SND1: variants seen among roughly 807,000 people sequenced by gnomAD.
SND1 encodes the protein staphylococcal nuclease domain-containing protein 1.
A neutral mutation model predicts 121.7 loss-of-function variants in SND1; 38 were observed. That is an observed-to-expected ratio of 0.31 (90% CI 0.24 to 0.41). SND1 has a LOEUF of 0.41. SND1 is among the 10% of genes least tolerant of loss of function. The pLI is 1.00. For synonymous variants in SND1, 401 were observed against 447.4 expected (o/e 0.90, Z 1.31); for missense variants, 868 against 1,184.6 (o/e 0.73, Z 3.92).
chr7:127,686,633 C>T lies in SND1; in HGVS notation c.99C>T (p.Ile33=), dbSNP rs199818480. Residue 33 remains isoleucine, a synonymous_variant, in exon 2 of 24, where the codon ATC becomes ATT. Coordinates refer to ENST00000354725, the MANE Select transcript of SND1 (RefSeq NM_014390.4). ...CGTAGGTCCTCTCAGGGTGCGCCAT[C>T]ATTGTCCGAGGTCAGCCTCGTGGTG... ...IIKMVLSGCA[I]IVRGQPRGGP... 3 of 1,614,088 alleles carry T rather than the reference C, an allele frequency of 1.9e-6. No individual in the cohort carries two copies. The highest frequency in any genetic ancestry group is 2.5e-6 in the Non-Finnish European group (3 of 1,179,954).
intron 9 of SND1, among the ~76,000 whole-genome samples, chr7:127,714,404 T>C (rs1470830879): frequency 6.6e-6 from 1 of 152,200 alleles, no homozygotes; most frequent in Non-Finnish European, 1.5e-5. Flanking sequence ...TGATAGTTTT[T>C]TGCTGTGCTT....
intron 10 of SND1, among the ~76,000 whole-genome samples, chr7:127,731,733 A>G (rs1796679905): frequency 6.6e-6 from 1 of 152,208 alleles, no homozygotes; most frequent in South Asian, 2.1e-4. Flanking sequence ...GCCAGTTAAT[A>G]ACAGCTTTTG....
intron 10 of SND1, among the ~76,000 whole-genome samples, chr7:127,757,717 G>A (rs998095990): frequency 6.6e-6 from 1 of 152,136 alleles, no homozygotes; most frequent in African/African-American, 2.4e-5. Context: ...TTAGTTTTTG[G>A]AATTGGGTTG....
At chr7:127,776,307 C>A (rs1318838679) in intron 10 of SND1, among the ~76,000 whole-genome samples, 1 of 152,086 alleles carries the variant, frequency 6.6e-6, no homozygotes, top group African/African-American at 2.4e-5. Flanking sequence ...CACTAGTTAT[C>A]ACAGACTTGA....
rs537270106 is a variant in SND1 at position 128,037,579 on chromosome 7, C to T, written c.1780-36923C>T. Among the ~76,000 whole-genome samples the T allele has an allele frequency of 7.9e-5, 12 of 152,336 alleles. No individual in the cohort carries two copies. The East Asian group carries it at 2.1e-3, about 27-fold the overall frequency. On this transcript the variant is annotated intron_variant, in intron 16 of 23. Transcript: ENST00000354725. ...TCAGTCTCAGTACAGAGCCCAAACTCAACCACTGTGATGCTGTGATGTGCC... is the reference window on the plus strand; with the variant it reads ...TCAGTCTCAGTACAGAGCCCAAACTTAACCACTGTGATGCTGTGATGTGCC...
chr7:127,789,532 A>G (rs763233673), intron 10 of SND1, among the ~76,000 whole-genome samples: 28 of 152,204 alleles, frequency 1.8e-4, no homozygotes, highest in South Asian at 4.1e-4. Context: ...TTGTTTCCAT[A>G]TTTAATCGTA....
chr7:127,678,412 A>G (rs1795651389), intron 1 of SND1, among the ~76,000 whole-genome samples: 1 of 152,150 alleles, frequency 6.6e-6, no homozygotes, highest in African/African-American at 2.4e-5. Flanking sequence ...TTGGCTCGGG[A>G]GCAGCAACTT....
intron 21 of SND1, among the ~76,000 whole-genome samples, chr7:128,087,339 G>A (rs1183806572): frequency 6.6e-6 from 1 of 152,134 alleles, no homozygotes; most frequent in Non-Finnish European, 1.5e-5. Flanking sequence ...GGCAGTGGCA[G>A]GAGGTGAGGT....
chr7:127,896,454 G>T (rs903707165), intron 13 of SND1, among the ~76,000 whole-genome samples: 1 of 152,014 alleles, frequency 6.6e-6, no homozygotes, highest in Non-Finnish European at 1.5e-5. Flanking sequence ...ACTATCGCTC[G>T]GAAACTTGTT....
At chr7:127,887,723 TTTG>T (rs1257843294) in intron 12 of SND1, among the ~76,000 whole-genome samples, 176 bp from the exon 13 acceptor site, 1 of 151,990 alleles carries the variant, frequency 6.6e-6, no homozygotes, top group Non-Finnish European at 1.5e-5. Flanking sequence ...GCTAGGGAAC[TTTG>T]TTATTTAACC....
At chr7:127,979,915 C>G (rs1283986629) in intron 15 of SND1, among the ~76,000 whole-genome samples, 2 of 152,044 alleles carry the variant, frequency 1.3e-5, no homozygotes, top group African/African-American at 4.8e-5. Context: ...CTGTTGTTCC[C>G]TGCTTTAGAG....
intron 16 of SND1, among the ~76,000 whole-genome samples, chr7:127,993,996 T>C (rs1802578589): frequency 6.6e-6 from 1 of 152,234 alleles, no homozygotes; most frequent in South Asian, 2.1e-4. Context: ...GAAGCTGGCA[T>C]GCAGGGTGTC....
intron 13 of SND1, 166 bp from the exon 14 acceptor site, chr7:127,904,581 A>T: frequency 2.1e-6 from 1 of 472,658 alleles, no homozygotes; most frequent in South Asian, 3.7e-5. Flanking sequence ...TCCCCCCTCC[A>T]CCAAATCCTC....
chr7:127,999,197 AGAGATTT>A, intron 16 of SND1: 2 of 152,258 alleles, frequency 1.3e-5, no homozygotes, highest in Middle Eastern at 6.8e-3. Flanking sequence ...TAGGACCACA[AGAGATTT>A]GGCCTCCTTG....
intron 15 of SND1, among the ~76,000 whole-genome samples, chr7:127,968,195 A>C (rs1801899652): frequency 6.6e-6 from 1 of 152,174 alleles, no homozygotes; most frequent in Non-Finnish European, 1.5e-5. Flanking sequence ...TTTTCAAAGA[A>C]TATTTTAAGC....
chr7:128,033,998 T>TGGAGAAAG (rs1792701834), intron 16 of SND1, among the ~76,000 whole-genome samples: 1 of 152,240 alleles, frequency 6.6e-6, no homozygotes, highest in Non-Finnish European at 1.5e-5. Flanking sequence ...GTGAAAGTAA[T>TGGAGAAAG]TGCCACACTT....
In SND1 at chr7:128,015,245, G is replaced by A. The variant is rs144841728; in HGVS notation, c.1779+24189G>A. 3.4e-4 allele frequency among the ~76,000 whole-genome samples: 52 copies of A among 152,334 alleles called. No individual in the cohort carries two copies. Among genetic ancestry groups the A allele is most frequent in the Admixed American group, 1.2e-3 (18 of 15,302 alleles). ...GGTCAGGCCTTGCCCGCAGGTCAAC[G>A]TGGGGCTAAAATGAAGACCGCTCTT... On this transcript the variant is annotated intron_variant, in intron 16 of 23. Coordinates refer to ENST00000354725, the MANE Select transcript of SND1 (RefSeq NM_014390.4). The surrounding 1 kb of genome is among the most constrained non-coding windows in gnomAD (Gnocchi z 4.5).
intron 10 of SND1, among the ~76,000 whole-genome samples, chr7:127,806,934 G>C (rs899369271): frequency 6.6e-6 from 1 of 152,126 alleles, no homozygotes; most frequent in Non-Finnish European, 1.5e-5. Context: ...ACTCCAGCCT[G>C]GGCAACAGAG....
At chr7:127,966,836 C>G (rs2116879026) in intron 15 of SND1, among the ~76,000 whole-genome samples, 1 of 142,976 alleles carries the variant, frequency 7.0e-6, no homozygotes, top group African/African-American at 2.6e-5. Flanking sequence ...TAGCAGAAGG[C>G]AAGAAATAAC....
Sources: allele counts gnomAD v4.1 joint callset (sites outside exome capture counted in the v4.1 genomes callset), GRCh38; gene constraint gnomAD v4.1.1; non-coding constraint Gnocchi (gnomAD v3.1); transcripts MANE v1.5; gene names NCBI Gene and HGNC (gene_info 2026-07-23, HGNC 2026-07-21).